GFOD1: variants seen among roughly 807,000 people sequenced by gnomAD.
GFOD1 encodes glucose-fructose oxidoreductase domain-containing protein 1.
GFOD1 carries 9 observed loss-of-function variants against 25.4 expected under a neutral mutation model. That is an observed-to-expected ratio of 0.35 (90% CI 0.21 to 0.62). The LOEUF is 0.62. Among genes scored for constraint, GFOD1 ranks in the 20% least tolerant of loss-of-function variants. GFOD1 has a pLI of 0.72. For missense variants in GFOD1, 403 were observed against 556.9 expected, an observed-to-expected ratio of 0.72 and a Z score of 2.78; for synonymous variants, 253 against 245.6, an observed-to-expected ratio of 1.03 and a Z score of -0.28.
intron 1 of GFOD1, among the ~76,000 whole-genome samples, chr6:13,460,246 A>G (rs1758268913): frequency 3.3e-5 from 5 of 152,254 alleles, no homozygotes; most frequent in Admixed American, 2.6e-4. Context: ...ATTGTGGAAG[A>G]CACTGTGGTG....
intron 1 of GFOD1, among the ~76,000 whole-genome samples, chr6:13,385,125 G>A (rs1322884049): frequency 2.0e-5 from 3 of 152,106 alleles, no homozygotes; most frequent in Admixed American, 2.0e-4. Flanking sequence ...CTCAGTAACC[G>A]GGAGAGTGCA....
At chr6:13,441,220 G>A (rs544451719) in intron 1 of GFOD1, among the ~76,000 whole-genome samples, 4 of 152,242 alleles carry the variant, frequency 2.6e-5, no homozygotes, top group Admixed American at 1.3e-4. Context: ...GGTGCATGAG[G>A]GTCCACCCTG....
rs1170235425 is a variant in GFOD1, at chr6:13,428,341, CACTT to C, written c.253+58293_253+58296del. 6.6e-5 allele frequency among the ~76,000 whole-genome samples: 10 copies of C among 152,250 alleles called. No homozygotes were observed. The East Asian group carries it at 1.9e-3, about 29-fold the overall frequency. Reference sequence around the variant, plus strand: ...ACGAGCCTCACTCAGCCCAGAGTGACACTTATCACTGGGCCGTGTGAAAACTGGG... The same window carrying C: ...ACGAGCCTCACTCAGCCCAGAGTGACATCACTGGGCCGTGTGAAAACTGGG... On this transcript the variant is annotated intron_variant, in intron 1 of 1. Transcript: ENST00000379287.
intron 1 of GFOD1, among the ~76,000 whole-genome samples, chr6:13,414,345 T>A (rs1786128607): frequency 6.6e-6 from 1 of 152,204 alleles, no homozygotes; most frequent in Non-Finnish European, 1.5e-5. Context: ...GGTCTGTGAG[T>A]GCCGGAAGCA....
intron 1 of GFOD1, among the ~76,000 whole-genome samples, chr6:13,426,256 G>A (rs1488431162): frequency 1.3e-5 from 2 of 152,210 alleles, no homozygotes; most frequent in African/African-American, 4.8e-5. Context: ...GGCCACACAC[G>A]CCCCCAGGCA....
At chr6:13,413,464 A>G (rs1024925772) in intron 1 of GFOD1, among the ~76,000 whole-genome samples, 3 of 152,230 alleles carry the variant, frequency 2.0e-5, no homozygotes, top group African/African-American at 7.2e-5. Context: ...CCGATCCAAG[A>G]AAAACCAACG....
chr6:13,462,826 A>G (rs1433516418), intron 1 of GFOD1, among the ~76,000 whole-genome samples: 1 of 152,166 alleles, frequency 6.6e-6, no homozygotes, highest in East Asian at 1.9e-4. Context: ...TGGTTAACCT[A>G]TGCACCAAAC....
chr6:13,416,131 T>C (rs2127567162), intron 1 of GFOD1, among the ~76,000 whole-genome samples: 1 of 152,322 alleles, frequency 6.6e-6, no homozygotes, highest in East Asian at 1.9e-4. Flanking sequence ...CCATACCCCC[T>C]TAATGCTCTC....
intron 1 of GFOD1, among the ~76,000 whole-genome samples, chr6:13,419,105 CT>C (rs986445058): frequency 2.0e-5 from 3 of 152,206 alleles, no homozygotes; most frequent in African/African-American, 7.2e-5. Flanking sequence ...GCAGATGGTT[CT>C]TGCTGAAGTC....
At chr6:13,443,010 A>G (rs1757941109) in intron 1 of GFOD1, among the ~76,000 whole-genome samples, 1 of 152,252 alleles carries the variant, frequency 6.6e-6, no homozygotes, top group South Asian at 2.1e-4. Context: ...TCCCTATTCT[A>G]GAAGCCATTA....
At chr6:13,418,608 C>G (rs745513956) in intron 1 of GFOD1, among the ~76,000 whole-genome samples, 1 of 152,196 alleles carries the variant, frequency 6.6e-6, no homozygotes, top group Non-Finnish European at 1.5e-5. Flanking sequence ...TTTAAGGAAT[C>G]ACCCGAAGCC....
At chr6:13,476,196 T>A (rs1489732497) in intron 1 of GFOD1, among the ~76,000 whole-genome samples, 1 of 152,112 alleles carries the variant, frequency 6.6e-6, no homozygotes, top group African/African-American at 2.4e-5. Flanking sequence ...AATACAAACA[T>A]CCATCAGATG....
chr6:13,476,573 G>A (rs1383274892), intron 1 of GFOD1, among the ~76,000 whole-genome samples: 1 of 152,138 alleles, frequency 6.6e-6, no homozygotes, highest in South Asian at 2.1e-4. Context: ...AAAGAATGAA[G>A]AATGTTATGG....
intron 1 of GFOD1, among the ~76,000 whole-genome samples, chr6:13,390,804 GA>G: frequency 6.6e-6 from 1 of 151,238 alleles, no homozygotes; most frequent in African/African-American, 2.4e-5. Context: ...AGGAAGGAAG[GA>G]AGGAAGGAAG....
chr6:13,409,183 G>GAAAAAAAGAAAGAAAGAA lies in GFOD1; in HGVS notation c.254-43522_254-43521insTTCTTTCTTTCTTTTTTT. Among the ~76,000 whole-genome samples, 2 of 52,010 alleles carry GAAAAAAAGAAAGAAAGAA rather than the reference G, an allele frequency of 3.8e-5. 1 individual carries two copies. The highest frequency in any genetic ancestry group is 0.018 in the Middle Eastern group (2 of 112). 34.1% of individuals were successfully genotyped at this position (52,010 alleles called of 152,430 possible). The stretch of plus-strand genomic sequence containing the variant: ...GAAAGAAAGGAAAGAGAGAGAGAGA[G>GAAAAAAAGAAAGAAAGAA]AGAAAGAAAGAAAGAAAGAGAAAGA... On this transcript the variant is annotated intron_variant, in intron 1 of 1. Coordinates refer to ENST00000379287, the MANE Select transcript of GFOD1 (RefSeq NM_018988.4).
intron 1 of GFOD1, among the ~76,000 whole-genome samples, chr6:13,444,406 T>C (rs1278263054): frequency 6.6e-6 from 1 of 151,148 alleles, no homozygotes; most frequent in Admixed American, 6.6e-5. Context: ...AAAAAAACTA[T>C]TGGGTACTAA....
rs1786347703 is a variant in GFOD1 at position 13,426,131 on chromosome 6, C to T, written c.254-60469G>A. Reference sequence around the variant, plus strand: ...CGAGATGCAAATATCACAGAGCTTTCTAGGCAGCCAGCAGACGTGGAAAGC... The same window carrying T: ...CGAGATGCAAATATCACAGAGCTTTTTAGGCAGCCAGCAGACGTGGAAAGC... On this transcript the variant is annotated intron_variant, in intron 1 of 1. Transcript: ENST00000379287. 3.9e-5 allele frequency among the ~76,000 whole-genome samples: 6 copies of T among 152,234 alleles called. No homozygotes were observed. The South Asian group carries it at 1.2e-3, about 31-fold the overall frequency.
intron 1 of GFOD1, among the ~76,000 whole-genome samples, chr6:13,369,105 G>T (rs1188458499): frequency 6.6e-6 from 1 of 152,144 alleles, no homozygotes; most frequent in Non-Finnish European, 1.5e-5. Flanking sequence ...CAAGGATAAG[G>T]GCTGGGTTGT....
intron 1 of GFOD1, among the ~76,000 whole-genome samples, chr6:13,409,922 CAA>C (rs757548005): frequency 1.2e-4 from 9 of 72,064 alleles, no homozygotes; most frequent in Admixed American, 3.5e-4. Flanking sequence ...GGCTCCATTT[CAA>C]AAAAAAAAAA....
Sources: gnomAD v4.1 joint callset for allele counts (sites outside exome capture counted in the v4.1 genomes callset) on GRCh38, gnomAD v4.1.1 for gene constraint, MANE v1.5 for transcripts, NCBI Gene and HGNC (gene_info 2026-07-23, HGNC 2026-07-21) for gene names.